The following NADK2 variants were observed in gnomAD, a reference collection of about 807,000 sequenced individuals.
NADK2 encodes the protein NAD kinase domain-containing protein 1, mitochondrial.
Under a neutral mutation model 62.1 loss-of-function variants are expected in NADK2, and 35 were observed. The ratio of observed to expected loss-of-function variants is 0.56; its 90% confidence interval spans 0.43 to 0.75. The LOEUF is 0.75. NADK2 is among the 30% of genes least tolerant of loss of function. NADK2 has a pLI of 0.00. For missense variants in NADK2, 439 were observed against 561.3 expected, an observed-to-expected ratio of 0.78 and a Z score of 2.20; for synonymous variants, 205 against 207.9, an observed-to-expected ratio of 0.99 and a Z score of 0.12.
At position 36,241,031 on chromosome 5, in the gene NADK2, C is replaced by A. The variant is rs1367166883; in HGVS notation, c.300+468G>T. ...CGCGGTTGTTTCGGCCCTTTTCCCC[C>A]GGCAGCCCTCAGCGGCGCCCTGGGC... On this transcript the variant is annotated intron_variant, in intron 1 of 11. Coordinates refer to ENST00000381937, the MANE Select transcript of NADK2 (RefSeq NM_001085411.3). This position sits in a 1 kb window ranked among gnomAD's most constrained non-coding sequence, Gnocchi z 4.9. Among the ~76,000 whole-genome samples, 1 of 152,188 alleles carries A rather than the reference C, an allele frequency of 6.6e-6. No homozygotes were observed. Among genetic ancestry groups the A allele is most frequent in the Admixed American group, 6.5e-5 (1 of 15,290 alleles).
chr5:36,206,268 T>C (rs1301266346), intron 8 of NADK2, among the ~76,000 whole-genome samples: 1 of 149,952 alleles, frequency 6.7e-6, no homozygotes, highest in Non-Finnish European at 1.5e-5. Context: ...GTTGTGCACA[T>C]GTACCCTAGA....
At chr5:36,207,094 G>A in intron 8 of NADK2, 76 bp downstream of exon 8, 1 of 1,148,564 alleles carries the variant, frequency 8.7e-7, no homozygotes, top group Admixed American at 1.8e-5. Flanking sequence ...CATATTACAG[G>A]CCTTAGATGG....
intron 3 of NADK2, 23 bp from the exon 4 acceptor site, chr5:36,225,646 C>T (rs747809718): frequency 1.3e-6 from 2 of 1,596,538 alleles, no homozygotes; most frequent in African/African-American, 2.7e-5. Flanking sequence ...AGACAAAATA[C>T]AAGACATAAC....
At chr5:36,237,721 C>G (rs939374706) in intron 1 of NADK2, among the ~76,000 whole-genome samples, 3 of 152,168 alleles carry the variant, frequency 2.0e-5, no homozygotes, top group African/African-American at 7.2e-5. Context: ...GACTTATCTG[C>G]CATTCTAAAG....
At chr5:36,228,026 G>A (rs1323382670) in intron 1 of NADK2, among the ~76,000 whole-genome samples, 1 of 151,898 alleles carries the variant, frequency 6.6e-6, no homozygotes, top group African/African-American at 2.4e-5. Context: ...ACTAATACTT[G>A]TAGAGGCGGT....
At chr5:36,197,771 T>C in intron 10 of NADK2, 107 bp from the exon 11 acceptor site, 2 of 960,062 alleles carry the variant, frequency 2.1e-6, no homozygotes, top group Admixed American at 6.9e-5. Flanking sequence ...TCCAAAAGTA[T>C]ATTTGGGAAC....
At chr5:36,199,052 G>C (rs1033071114) in intron 10 of NADK2, among the ~76,000 whole-genome samples, 12 of 151,756 alleles carry the variant, frequency 7.9e-5, no homozygotes, top group Admixed American at 7.9e-4. Flanking sequence ...GGACTGTTGT[G>C]GGGTAGGGGG....
At chr5:36,223,403 T>C (rs778691337) in intron 4 of NADK2, among the ~76,000 whole-genome samples, 6 of 152,118 alleles carry the variant, frequency 3.9e-5, no homozygotes, top group Non-Finnish European at 5.9e-5. Flanking sequence ...ACCACAGTAT[T>C]AATCAGCCTC....
intron 8 of NADK2, among the ~76,000 whole-genome samples, chr5:36,203,103 GGT>G (rs1746506557): frequency 6.6e-6 from 1 of 152,034 alleles, no homozygotes; most frequent in African/African-American, 2.4e-5. Flanking sequence ...TTTACAGATA[GGT>G]TTAAAATTTA....
At chr5:36,217,585 C>T (rs1437101133) in intron 6 of NADK2, among the ~76,000 whole-genome samples, 163 bp downstream of exon 6, 1 of 152,144 alleles carries the variant, frequency 6.6e-6, no homozygotes, top group Non-Finnish European at 1.5e-5. Flanking sequence ...CTATTATTTA[C>T]TTCAGATTCT....
chr5:36,230,163 T>C (rs752405306), intron 1 of NADK2, among the ~76,000 whole-genome samples: 7 of 152,228 alleles, frequency 4.6e-5, no homozygotes, highest in Non-Finnish European at 1.0e-4. Flanking sequence ...ACTTTCTTCC[T>C]ACCAACTCTC....
intron 11 of NADK2, among the ~76,000 whole-genome samples, chr5:36,196,494 T>C (rs1373994076): frequency 6.6e-6 from 1 of 152,184 alleles, no homozygotes; most frequent in African/African-American, 2.4e-5. Context: ...TTACTGTCAG[T>C]AGGAACTTTT....
At chr5:36,198,406 C>CA (rs1746313082) in intron 10 of NADK2, among the ~76,000 whole-genome samples, 1 of 151,714 alleles carries the variant, frequency 6.6e-6, no homozygotes, top group Non-Finnish European at 1.5e-5. Flanking sequence ...GAACACACCA[C>CA]AAAAAAGCAT....
chr5:36,234,736 G>A (rs1747840447), intron 1 of NADK2, among the ~76,000 whole-genome samples: 1 of 152,198 alleles, frequency 6.6e-6, no homozygotes, highest in Non-Finnish European at 1.5e-5. Context: ...CTAGGTAGCT[G>A]AATACACAGG....
intron 1 of NADK2, among the ~76,000 whole-genome samples, chr5:36,235,217 A>G (rs1747857681): frequency 6.6e-6 from 1 of 152,190 alleles, no homozygotes. Context: ...GGTTAAAAAA[A>G]CACTACGCAA....
chr5:36,207,016 A>G (rs1746665144), intron 8 of NADK2, among the ~76,000 whole-genome samples, 154 bp downstream of exon 8: 1 of 152,136 alleles, frequency 6.6e-6, no homozygotes, highest in Non-Finnish European at 1.5e-5. Flanking sequence ...AGGCAGGACT[A>G]CTAGACCCAA....
intron 5 of NADK2, 82 bp downstream of exon 5, chr5:36,219,514 T>C: frequency 7.9e-7 from 1 of 1,271,748 alleles, no homozygotes; most frequent in Non-Finnish European, 1.1e-6. Context: ...CCCTGCCTGA[T>C]TTGTTCTGTT....
At chr5:36,237,095 TA>T (rs773955923) in intron 1 of NADK2, among the ~76,000 whole-genome samples, 19 of 152,152 alleles carry the variant, frequency 1.2e-4, no homozygotes, top group Non-Finnish European at 2.5e-4. Context: ...GTATAATCTC[TA>T]AGGGAAGCAA....
intron 8 of NADK2, among the ~76,000 whole-genome samples, chr5:36,206,770 TTA>T (rs749519807): frequency 1.1e-4 from 17 of 152,102 alleles, no homozygotes; most frequent in Admixed American, 1.0e-3. Context: ...CAGAGGGAGA[TTA>T]TAGAGTAAAC....
Sources: gnomAD v4.1 joint callset for allele counts (sites outside exome capture counted in the v4.1 genomes callset) on GRCh38, gnomAD v4.1.1 for gene constraint, Gnocchi (gnomAD v3.1) non-coding constraint, MANE v1.5 for transcripts, NCBI Gene and HGNC (gene_info 2026-07-23, HGNC 2026-07-21) for gene names.